SLC39A11: variants seen among roughly 807,000 people sequenced by gnomAD.
SLC39A11 encodes the protein solute carrier family 39 member 11.
SLC39A11 carries 33 observed loss-of-function variants against 36.1 expected under a neutral mutation model. The ratio of observed to expected loss-of-function variants is 0.91; its 90% CI spans 0.69 to 1.22. The LOEUF is 1.22. Among genes scored for constraint, SLC39A11 ranks in the 50% most tolerant of loss-of-function variants. SLC39A11 has a pLI of 0.00. For missense variants in SLC39A11, 432 were observed against 430.3 expected (o/e 1.00, Z -0.03); for synonymous variants, 166 against 170.3 (o/e 0.97, Z 0.20).
intron 6 of SLC39A11, among the ~76,000 whole-genome samples, chr17:72,844,212 A>C (rs2078951221): frequency 6.6e-6 from 1 of 152,150 alleles, no homozygotes; most frequent in African/African-American, 2.4e-5. Context: ...CTCATCAAAG[A>C]CATGAAGCTG....
At chr17:73,011,380 A>G (rs1177797275) in intron 4 of SLC39A11, among the ~76,000 whole-genome samples, 3 of 152,162 alleles carry the variant, frequency 2.0e-5, no homozygotes, top group Non-Finnish European at 4.4e-5. Context: ...GAAGCACTCT[A>G]TGAAAACAGA....
chr17:72,967,454 C>G (rs899683201), intron 4 of SLC39A11, among the ~76,000 whole-genome samples: 3 of 148,040 alleles, frequency 2.0e-5, no homozygotes, highest in African/African-American at 7.4e-5. Flanking sequence ...CTAAGCATAT[C>G]CTGGGAGCCA....
At chr17:72,826,034 A>C (rs1371547911) in intron 6 of SLC39A11, among the ~76,000 whole-genome samples, 2 of 152,102 alleles carry the variant, frequency 1.3e-5, no homozygotes, top group African/African-American at 2.4e-5. Flanking sequence ...GAAGGACATG[A>C]GATTTGGGAG....
intron 5 of SLC39A11, among the ~76,000 whole-genome samples, chr17:72,942,669 T>C (rs1384051343): frequency 6.6e-6 from 1 of 152,174 alleles, no homozygotes; most frequent in African/African-American, 2.4e-5. Context: ...TGAAGCTGTT[T>C]AAATAAGTCA....
intron 6 of SLC39A11, among the ~76,000 whole-genome samples, chr17:72,791,802 T>C (rs999064166): frequency 2.6e-5 from 4 of 152,190 alleles, no homozygotes; most frequent in Admixed American, 6.5e-5. Flanking sequence ...GCCCTTTTGC[T>C]CGGCACTTCT....
chr17:72,922,956 TTC>T (rs1346794397), intron 5 of SLC39A11, among the ~76,000 whole-genome samples: 2 of 60,740 alleles, frequency 3.3e-5, no homozygotes, highest in Non-Finnish European at 2.7e-5. Flanking sequence ...GTGGGACTCC[TTC>T]TCAAAAAAAA....
At chr17:72,693,327 C>A (rs145893201) in intron 7 of SLC39A11, among the ~76,000 whole-genome samples, 11 of 151,704 alleles carry the variant, frequency 7.3e-5, no homozygotes, top group African/African-American at 2.7e-4. Flanking sequence ...AGCAAGCTCA[C>A]GGTCTGGGAA....
At chr17:72,893,620 C>A (rs2081875927) in intron 5 of SLC39A11, among the ~76,000 whole-genome samples, 1 of 152,012 alleles carries the variant, frequency 6.6e-6, no homozygotes, top group Non-Finnish European at 1.5e-5. Context: ...AGTCTGCAGG[C>A]CAAATTTAGG....
chr17:72,925,594 C>G (rs891906813), intron 5 of SLC39A11, among the ~76,000 whole-genome samples: 3 of 152,196 alleles, frequency 2.0e-5, no homozygotes, highest in African/African-American at 7.2e-5. Context: ...GTCTCCCTCC[C>G]CTTAGTAGAT....
intron 3 of SLC39A11, among the ~76,000 whole-genome samples, chr17:73,051,152 G>A (rs1049152597): frequency 6.6e-6 from 1 of 152,152 alleles, no homozygotes; most frequent in African/African-American, 2.4e-5. Context: ...CCTGCCTCTA[G>A]TGGCTGCCAG....
chr17:73,047,966 C>CAAAAAA lies in SLC39A11; in HGVS notation c.148-16258_148-16253dup, dbSNP rs1165334910. On this transcript the variant is annotated intron_variant, in intron 3 of 9. Coordinates refer to ENST00000255559, the MANE Select transcript of SLC39A11 (RefSeq NM_139177.4). ...CTGGCGACAGAGCAAGACTCCATCT[C>CAAAAAA]AAAAAAAAAAAAAAAAAAAAAAAAA... is the stretch of plus-strand genomic sequence containing the variant. Among the ~76,000 whole-genome samples the CAAAAAA allele has an allele frequency of 8.3e-4, 17 of 20,490 alleles. 5 individuals are homozygous for CAAAAAA. Among genetic ancestry groups the CAAAAAA allele is most frequent in the South Asian group, 6.8e-3 (2 of 294 alleles). The allele number at this position is 20,490 out of a possible 152,430, so 13.4% of individuals were successfully genotyped here.
Position 73,074,564 on chromosome 17 carries a change from C to T in SLC39A11, c.147+10244G>A, listed in dbSNP as rs373445077. Among the ~76,000 whole-genome samples, 12 of 152,058 alleles carry T rather than the reference C, an allele frequency of 7.9e-5. No homozygotes were observed. In the East Asian group the frequency reaches 1.7e-3, roughly 22 times the overall value. ...CACCCACCTCGGCTTCCCAAAGTGC[C>T]GGGATTACAGGTGTGAGCCACCGTA... On this transcript the variant is annotated intron_variant, in intron 3 of 9. Transcript: ENST00000255559.
intron 3 of SLC39A11, among the ~76,000 whole-genome samples, chr17:73,049,983 C>T (rs1439634888): frequency 1.3e-5 from 2 of 152,074 alleles, no homozygotes; most frequent in Non-Finnish European, 2.9e-5. Flanking sequence ...ATTAGCCGGG[C>T]GGAGTGGCAC....
chr17:72,817,001 A>G (rs1299462030), intron 6 of SLC39A11, among the ~76,000 whole-genome samples: 1 of 152,002 alleles, frequency 6.6e-6, no homozygotes, highest in African/African-American at 2.4e-5. Context: ...TTGATATTAG[A>G]TGCAGTAATG....
intron 5 of SLC39A11, among the ~76,000 whole-genome samples, chr17:72,928,081 A>G (rs2084162564): frequency 6.6e-6 from 1 of 152,252 alleles, no homozygotes; most frequent in South Asian, 2.1e-4. Flanking sequence ...GGAGGATCCC[A>G]GGCCTAACGA....
intron 5 of SLC39A11, among the ~76,000 whole-genome samples, chr17:72,866,893 C>G (rs1158235838): frequency 6.6e-6 from 1 of 152,106 alleles, no homozygotes; most frequent in Admixed American, 6.5e-5. Flanking sequence ...CTAAAATCCC[C>G]CATAGATTCT....
chr17:72,749,902 G>T (rs368749602), intron 6 of SLC39A11, among the ~76,000 whole-genome samples: 1 of 152,110 alleles, frequency 6.6e-6, no homozygotes, highest in Non-Finnish European at 1.5e-5. Flanking sequence ...GATGGAAGTC[G>T]TACCAGGAAT....
intron 6 of SLC39A11, among the ~76,000 whole-genome samples, chr17:72,840,082 C>T (rs1007356994): frequency 6.6e-6 from 1 of 152,150 alleles, no homozygotes; most frequent in Non-Finnish European, 1.5e-5. Context: ...GAATAACCAA[C>T]CACTGTGAAC....
Position 72,734,046 on chromosome 17 carries a change from C to T in SLC39A11, c.671+2604G>A, listed in dbSNP as rs954546540. On this transcript the variant is annotated intron_variant, in intron 7 of 9. Transcript: ENST00000255559. The stretch of plus-strand genomic sequence containing the variant: ...TGCAGGGTGGTAGGCTCTGCCTGTC[C>T]AGGCTACAGTTCAGCACATACCTTT... 3.9e-5 allele frequency among the ~76,000 whole-genome samples: 6 copies of T among 152,190 alleles called. No individual in the cohort carries two copies. The South Asian group carries it at 1.2e-3, about 31-fold the overall frequency.
Sources: gnomAD v4.1 joint callset for allele counts (sites outside exome capture counted in the v4.1 genomes callset) on GRCh38, gnomAD v4.1.1 for gene constraint, MANE v1.5 for transcripts, NCBI Gene and HGNC (gene_info 2026-07-23, HGNC 2026-07-21) for gene names.